The following CA10 variants were observed in gnomAD, a reference collection of about 807,000 sequenced individuals.
CA10 encodes the protein carbonic anhydrase-related protein 10.
Under a neutral mutation model 44.2 loss-of-function variants are expected in CA10, and 14 were observed. The ratio of observed to expected loss-of-function variants is 0.32; its 90% CI spans 0.21 to 0.50. The LOEUF (loss-of-function observed/expected upper bound fraction) is 0.50, where lower values mean the gene tolerates loss of function less well. Ranked by LOEUF, CA10 falls within the 20% of genes least tolerant of loss-of-function variation. CA10 has a pLI of 0.99. For missense variants in CA10, 350 were observed against 409.7 expected (o/e 0.85, Z 1.26); for synonymous variants, 159 against 141.6 (o/e 1.12, Z -0.87).
chr17:51,774,559 C>A (rs1039737552), intron 3 of CA10, among the ~76,000 whole-genome samples: 2 of 152,090 alleles, frequency 1.3e-5, no homozygotes, highest in African/African-American at 4.8e-5. Flanking sequence ...CCTGCCTCAG[C>A]CTCCCTAGTA....
intron 3 of CA10, among the ~76,000 whole-genome samples, chr17:51,828,788 C>A (rs1284794562): frequency 6.6e-6 from 1 of 152,178 alleles, no homozygotes; most frequent in African/African-American, 2.4e-5. Context: ...TGGAATAAAT[C>A]TTTCAAAGAT....
intron 4 of CA10, among the ~76,000 whole-genome samples, chr17:51,724,858 G>A (rs2143541364): frequency 6.6e-6 from 1 of 152,314 alleles, no homozygotes; most frequent in Non-Finnish European, 1.5e-5. Flanking sequence ...GCACATTGGT[G>A]TGAGTCTACT....
At chr17:51,855,705 A>T (rs1979009148) in intron 3 of CA10, among the ~76,000 whole-genome samples, 1 of 152,232 alleles carries the variant, frequency 6.6e-6, no homozygotes, top group African/African-American at 2.4e-5. Context: ...ACATTCATGG[A>T]GCTGCAGAGT....
At chr17:52,069,858 C>T (rs993823813) in intron 2 of CA10, among the ~76,000 whole-genome samples, 1 of 152,160 alleles carries the variant, frequency 6.6e-6, no homozygotes, top group Non-Finnish European at 1.5e-5. Flanking sequence ...CAGTGAGGAA[C>T]TTATGGGACG....
chr17:51,994,400 C>T (rs1043679671), intron 2 of CA10, among the ~76,000 whole-genome samples: 9 of 152,118 alleles, frequency 5.9e-5, no homozygotes, highest in African/African-American at 1.9e-4. Context: ...TTAGTCAAGT[C>T]ACGTTTCTTT....
intron 3 of CA10, among the ~76,000 whole-genome samples, chr17:51,885,770 A>G (rs957060214): frequency 1.3e-5 from 2 of 152,116 alleles, no homozygotes; most frequent in Non-Finnish European, 2.9e-5. Flanking sequence ...CTTCAGTCCA[A>G]CCCCCAGCAT....
chr17:51,787,710 C>G (rs1464989428), intron 3 of CA10, among the ~76,000 whole-genome samples: 1 of 152,122 alleles, frequency 6.6e-6, no homozygotes, highest in Non-Finnish European at 1.5e-5. Context: ...GTTGGTCAGG[C>G]TGGTCTCGAA....
chr17:52,034,837 G>A (rs945160706), intron 2 of CA10, among the ~76,000 whole-genome samples: 3 of 152,166 alleles, frequency 2.0e-5, no homozygotes, highest in African/African-American at 7.2e-5. Context: ...GCTCAAGTAG[G>A]TAGAGGACAG....
chr17:51,750,340 T>G (rs1268548621), intron 3 of CA10, among the ~76,000 whole-genome samples: 3 of 152,156 alleles, frequency 2.0e-5, no homozygotes, highest in African/African-American at 7.2e-5. Flanking sequence ...TATAGACTTT[T>G]CACTTGCATA....
At chr17:52,078,150 G>C (rs1987867523) in intron 1 of CA10, among the ~76,000 whole-genome samples, 1 of 152,144 alleles carries the variant, frequency 6.6e-6, no homozygotes, top group African/African-American at 2.4e-5. Flanking sequence ...ACTAACTTAG[G>C]TTCAGAGAAA....
chr17:51,653,827 A>G (rs1411798308), intron 4 of CA10, 91 bp from the exon 5 acceptor site: 1 of 747,278 alleles, frequency 1.3e-6, no homozygotes, highest in Non-Finnish European at 2.4e-6. Flanking sequence ...GGTGAACTGC[A>G]AAGTATATTG....
At chr17:52,052,961 G>A (rs1401784234) in intron 2 of CA10, among the ~76,000 whole-genome samples, 2 of 151,710 alleles carry the variant, frequency 1.3e-5, no homozygotes, top group Non-Finnish European at 2.9e-5. Context: ...GAGTGTGAGT[G>A]ATGTGTGTGT....
At chr17:51,791,158 G>A (rs996227936) in intron 3 of CA10, among the ~76,000 whole-genome samples, 1 of 152,174 alleles carries the variant, frequency 6.6e-6, no homozygotes, top group Non-Finnish European at 1.5e-5. Flanking sequence ...TCTGTGCATG[G>A]TAATGGTAAT....
chr17:51,771,625 T>C (rs1905617211), intron 3 of CA10, among the ~76,000 whole-genome samples: 1 of 152,222 alleles, frequency 6.6e-6, no homozygotes, highest in Admixed American at 6.5e-5. Flanking sequence ...CATGGGTGGC[T>C]GTCCCACTAT....
chr17:51,685,845 C>A (rs1470797765), intron 4 of CA10, among the ~76,000 whole-genome samples: 1 of 152,166 alleles, frequency 6.6e-6, no homozygotes, highest in African/African-American at 2.4e-5. Context: ...TCCTGCCTCA[C>A]AGGCACCTGA....
chr17:51,918,955 C>A (rs1256116595), intron 3 of CA10, among the ~76,000 whole-genome samples: 1 of 152,130 alleles, frequency 6.6e-6, no homozygotes, highest in African/African-American at 2.4e-5. Context: ...ATTAAATCTT[C>A]ATCAGAAAAA....
chr17:52,033,108 G>A (rs543177533), intron 2 of CA10, among the ~76,000 whole-genome samples: 4 of 152,086 alleles, frequency 2.6e-5, no homozygotes, highest in Non-Finnish European at 5.9e-5. Context: ...TTTTTGCGTT[G>A]GGTCATGAAG....
intron 3 of CA10, among the ~76,000 whole-genome samples, chr17:51,865,413 G>C (rs781001355): frequency 1.3e-5 from 2 of 152,106 alleles, no homozygotes; most frequent in African/African-American, 2.4e-5. Context: ...ACTAAACAGG[G>C]GGTTCCTCCT....
At chr17:52,149,096 G>A (rs183703380) in intron 1 of CA10, among the ~76,000 whole-genome samples, 2 of 152,320 alleles carry the variant, frequency 1.3e-5, no homozygotes, top group Admixed American at 1.3e-4. Context: ...GTGAGAGAGA[G>A]GGGAGCGGAA....
Sources: gnomAD v4.1 joint callset for allele counts (sites outside exome capture counted in the v4.1 genomes callset) on GRCh38, gnomAD v4.1.1 for gene constraint, MANE v1.5 for transcripts, NCBI Gene and HGNC (gene_info 2026-07-23, HGNC 2026-07-21) for gene names.